Variants in PRDM15 observed in about 807,000 individuals in gnomAD.
PRDM15 encodes PR/SET domain 15, also known as PR domain zinc finger protein 15.
Under a neutral mutation model 128.6 loss-of-function variants are expected in PRDM15, and 64 were observed. The observed-to-expected ratio is 0.50, with a 90% confidence interval of 0.41 to 0.61. PRDM15 has a LOEUF of 0.61. PRDM15 is among the 20% of genes least tolerant of loss of function. The pLI, the probability that PRDM15 is intolerant of heterozygous loss-of-function variation, is 0.00. For missense variants in PRDM15, 1,242 were observed against 1,569.1 expected, an observed-to-expected ratio of 0.79 and a Z score of 3.52; for synonymous variants, 615 against 621.8, an observed-to-expected ratio of 0.99 and a Z score of 0.16.
chr21:41,802,357 G>A (rs1421948051), intron 23 of PRDM15, among the ~76,000 whole-genome samples: 2 of 152,184 alleles, frequency 1.3e-5, no homozygotes, highest in African/African-American at 2.4e-5. Context: ...TCTCCGGCTA[G>A]TCAGCAAATG....
chr21:41,806,018 TCACCAC>T (rs1568879740), intron 21 of PRDM15, among the ~76,000 whole-genome samples: 2,136 of 26,576 alleles, frequency 0.08, 22 homozygotes, highest in Non-Finnish European at 0.1. Context: ...ACCACCACCA[TCACCAC>T]CACCACCATC....
In PRDM15 at chr21:41,823,665, G is replaced by A. The variant is rs912206163; in HGVS notation, c.1630-216C>T. ...CTGAATTGTGTAAACAGGTGCTTAC[G>A]TTACAATAGAAAATTGACCATTTCC... On this transcript the variant is annotated intron_variant, in intron 13 of 23. Transcript: ENST00000398548. Among the ~76,000 whole-genome samples the A allele has an allele frequency of 2.0e-5, 3 of 152,214 alleles. No homozygotes were observed. In the South Asian group the frequency reaches 6.2e-4, roughly 32 times the overall value.
At chr21:41,831,456 G>C (rs1394058587) in intron 11 of PRDM15, among the ~76,000 whole-genome samples, 1 of 152,232 alleles carries the variant, frequency 6.6e-6, no homozygotes, top group African/African-American at 2.4e-5. Context: ...CCCCCGCCAG[G>C]TAGAGATTCA....
Position 41,826,048 on chromosome 21 carries a change from C to A in PRDM15, c.1541G>T (p.Arg514Leu), listed in dbSNP as rs975841760. ...CTCCAGGTCCTCTCGCTTCACTCGCCGCACTCCTGAAATTGCCAACCCCAC... is the reference window on the plus strand; with the variant it reads ...CTCCAGGTCCTCTCGCTTCACTCGCAGCACTCCTGAAATTGCCAACCCCAC... Reference protein sequence around the residue: ...DHQRRHLEGVRRVKREDLEAG... With the variant: ...DHQRRHLEGVLRVKREDLEAG... The change falls in exon 13 of 24, where the codon CGG becomes CTG. Residue 514 changes from arginine to leucine, a missense_variant. By Grantham distance (102) the Arg-to-Leu change is moderately radical. Around this residue, in one of 3 missense-constraint regions of PRDM15, gnomAD observed 612 missense variants for 717.0 expected, o/e 0.85. Transcript: ENST00000398548. 1.2e-6 allele frequency: 2 copies of A among 1,613,868 alleles called. No individual in the cohort carries two copies. Among genetic ancestry groups the A allele is most frequent in the African/African-American group, 2.7e-5 (2 of 74,930 alleles).
At chr21:41,802,074 A>T (rs569762242) in intron 23 of PRDM15, among the ~76,000 whole-genome samples, 2 of 152,380 alleles carry the variant, frequency 1.3e-5, no homozygotes, top group Admixed American at 1.3e-4. Flanking sequence ...AAAGCTACAA[A>T]GAGCAATAAA....
chr21:41,836,050 T>C (rs1601303512), intron 10 of PRDM15, 63 bp downstream of exon 10: 5 of 1,052,442 alleles, frequency 4.8e-6, no homozygotes, highest in Non-Finnish European at 6.9e-6. Context: ...ACATGGTGAT[T>C]TGGTCAGTTG....
At chr21:41,873,886 A>G (rs2064302098) in intron 1 of PRDM15, among the ~76,000 whole-genome samples, 1 of 152,076 alleles carries the variant, frequency 6.6e-6, no homozygotes, top group African/African-American at 2.4e-5. Flanking sequence ...TCTCTACAGA[A>G]AACACAAAAG....
intron 6 of PRDM15, among the ~76,000 whole-genome samples, chr21:41,843,143 T>C (rs980387460): frequency 1.3e-5 from 2 of 152,220 alleles, no homozygotes; most frequent in African/African-American, 4.8e-5. Context: ...AGTATATCTA[T>C]AACCTTTGTT....
At chr21:41,842,683 G>T (rs1345402847) in intron 6 of PRDM15, among the ~76,000 whole-genome samples, 4 of 151,716 alleles carry the variant, frequency 2.6e-5, no homozygotes, top group African/African-American at 9.7e-5. Context: ...TAGAGACAGG[G>T]TTTCACCATG....
At position 41,834,603 on chromosome 21, in the gene PRDM15, CCT is replaced by C. The variant is rs767276879; in HGVS notation, c.1366+832_1366+833del. 1.1e-5 allele frequency: 16 copies of C among 1,509,966 alleles called. No individual in the cohort carries two copies. The South Asian group carries it at 1.8e-4, about 17-fold the overall frequency. The allele number at this position is 1,509,966 out of a possible 1,614,324, so 93.5% of individuals were successfully genotyped here. ...GACACAAAGGCAACAGTGACTCACC[CCT>C]CTGTGCCCCGCTGGGGACCCCCACT... On this transcript the variant is annotated intron_variant, in intron 11 of 23. Transcript: ENST00000398548.
At chr21:41,807,522 A>C (rs1428388977) in intron 21 of PRDM15, among the ~76,000 whole-genome samples, 2 of 152,162 alleles carry the variant, frequency 1.3e-5, no homozygotes, top group African/African-American at 4.8e-5. Flanking sequence ...AGCTGACCCG[A>C]GTCCCCTTCC....
At chr21:41,876,756 A>G (rs894404383) in intron 1 of PRDM15, among the ~76,000 whole-genome samples, 1 of 152,186 alleles carries the variant, frequency 6.6e-6, no homozygotes, top group African/African-American at 2.4e-5. Flanking sequence ...TAGTAGCTCC[A>G]GTCACCCACC....
intron 11 of PRDM15, among the ~76,000 whole-genome samples, chr21:41,833,602 T>C (rs2062769059): frequency 6.6e-6 from 1 of 152,236 alleles, no homozygotes; most frequent in Non-Finnish European, 1.5e-5. Flanking sequence ...ACAAGCTCCA[T>C]TTCAAGGTTT....
chr21:41,801,848 C>G, intron 23 of PRDM15, 126 bp from the exon 24 acceptor site: 1 of 1,109,440 alleles, frequency 9.0e-7, no homozygotes, highest in Non-Finnish European at 1.3e-6. Context: ...AAAGAGGAAA[C>G]CGAGTTAATT....
rs949269493 is a variant in PRDM15 at position 41,843,968 on chromosome 21, AAAAG to A, written c.640+3118_640+3121del. 9.9e-5 allele frequency among the ~76,000 whole-genome samples: 15 copies of A among 150,990 alleles called. No individual in the cohort carries two copies. The East Asian group carries it at 1.5e-3, about 16-fold the overall frequency. On this transcript the variant is annotated intron_variant, in intron 6 of 23. Coordinates refer to ENST00000398548, the MANE Select transcript of PRDM15 (RefSeq NM_001040424.3). The stretch of plus-strand genomic sequence containing the variant: ...TGTATTGTAAAAAAAAAAAAAAAAA[AAAAG>A]AAAGAAAGAAAGTTTAAATTCAGAG...
At position 41,828,122 on chromosome 21, in the gene PRDM15, G is replaced by C; in HGVS notation, c.1534+44C>G. The C allele has an allele frequency of 6.2e-7, 1 of 1,604,602 alleles. No individual in the cohort carries two copies. The highest frequency in any genetic ancestry group is 8.5e-7 in the Non-Finnish European group (1 of 1,176,302). The stretch of plus-strand genomic sequence containing the variant: ...CATGCCGCCCTGCCCCACCCCGCAG[G>C]AGCTGCCTCTCCCCGCCCGCAGCAG... On this transcript the variant is annotated intron_variant, in intron 12 of 23. Transcript: ENST00000398548. This position sits in a 1 kb window ranked among gnomAD's most constrained non-coding sequence, Gnocchi z 5.7.
intron 1 of PRDM15, chr21:41,863,452 C>T (rs1006229789): frequency 6.6e-6 from 1 of 152,236 alleles, no homozygotes; most frequent in Non-Finnish European, 1.5e-5. Context: ...AATCTCTTTA[C>T]AATTTATATG....
At chr21:41,847,640 T>C (rs2063308395) in intron 5 of PRDM15, among the ~76,000 whole-genome samples, 1 of 152,246 alleles carries the variant, frequency 6.6e-6, no homozygotes, top group Non-Finnish European at 1.5e-5. Flanking sequence ...GCTGGGCTGC[T>C]GCTCCCGCCC....
intron 18 of PRDM15, among the ~76,000 whole-genome samples, 170 bp downstream of exon 18, chr21:41,819,412 G>C (rs1412788551): frequency 6.6e-6 from 1 of 150,678 alleles, no homozygotes; most frequent in East Asian, 2.0e-4. Context: ...CCTGGCCCGT[G>C]GCCCTGGCGC....
Sources: allele counts gnomAD v4.1 joint callset (sites outside exome capture counted in the v4.1 genomes callset), GRCh38; gene constraint gnomAD v4.1.1; regional missense constraint gnomAD v4.1.1; non-coding constraint Gnocchi (gnomAD v3.1); transcripts MANE v1.5; gene names NCBI Gene and HGNC (gene_info 2026-07-23, HGNC 2026-07-21).